The following RPS6KA3 variants were observed in gnomAD, a reference collection of about 807,000 sequenced individuals.
RPS6KA3 encodes the protein ribosomal protein S6 kinase alpha-3.
In RPS6KA3, 4 loss-of-function variants were observed where a neutral mutation model predicts 67.2. The ratio of observed to expected loss-of-function variants is 0.06; its 90% CI spans 0.03 to 0.14. The LOEUF (loss-of-function observed/expected upper bound fraction) is 0.14. Among genes scored for constraint, RPS6KA3 ranks in the 10% least tolerant of loss-of-function variants. The probability of loss-of-function intolerance (pLI) is 1.00; values close to 1 mark genes in which losing one functional copy is unlikely to be tolerated. For synonymous variants in RPS6KA3, 182 were observed against 183.7 expected (o/e 0.99, Z 0.07); for missense variants, 204 against 559.0 (o/e 0.36, Z 6.40).
At chrX:20,244,445 C>G (rs746018091) in intron 1 of RPS6KA3, among the ~76,000 whole-genome samples, 1 of 112,484 alleles carries the variant, frequency 8.9e-6, no homozygotes, top group Non-Finnish European at 1.9e-5. Context: ...AAATAAGTAA[C>G]AGCTATCATT....
intron 2 of RPS6KA3, among the ~76,000 whole-genome samples, chrX:20,217,513 T>G (rs2068885745): frequency 8.9e-6 from 1 of 112,571 alleles, no homozygotes; most frequent in Non-Finnish European, 1.9e-5. Context: ...TCAGGAAGTG[T>G]GTTCTTGAGG....
At chrX:20,200,054 GA>G (rs1386955913) in intron 4 of RPS6KA3, among the ~76,000 whole-genome samples, 1 of 112,075 alleles carries the variant, frequency 8.9e-6, no homozygotes, top group Non-Finnish European at 1.9e-5. Context: ...AGTAAACTGA[GA>G]AAAAGGTAGG....
intron 2 of RPS6KA3, among the ~76,000 whole-genome samples, chrX:20,227,746 A>G (rs1394586689): frequency 1.8e-5 from 2 of 110,832 alleles, no homozygotes; most frequent in Non-Finnish European, 3.8e-5. Flanking sequence ...GATTATCACT[A>G]TACCATTATG....
At chrX:20,260,777 TGAGGTA>T (rs2070203009) in intron 1 of RPS6KA3, among the ~76,000 whole-genome samples, 1 of 111,552 alleles carries the variant, frequency 9.0e-6, no homozygotes, top group Non-Finnish European at 1.9e-5. Context: ...CAAAACTCTA[TGAGGTA>T]GACATTATTT....
At chrX:20,188,017 A>G in intron 8 of RPS6KA3, 47 bp from the exon 9 acceptor site, 2 of 1,124,917 alleles carry the variant, frequency 1.8e-6, no homozygotes, top group Non-Finnish European at 2.4e-6. Context: ...TTGCACATGT[A>G]AATTTTAAAC....
chrX:20,156,758 C>T (rs920853541), intron 20 of RPS6KA3, among the ~76,000 whole-genome samples: 4 of 110,833 alleles, frequency 3.6e-5, no homozygotes, highest in African/African-American at 1.3e-4. Flanking sequence ...CTGGTCTCCA[C>T]CTCCTGGATG....
intron 1 of RPS6KA3, among the ~76,000 whole-genome samples, chrX:20,239,131 T>C (rs1569262826): frequency 9.0e-6 from 1 of 111,532 alleles, no homozygotes; most frequent in African/African-American, 3.2e-5. Context: ...TACCTGAACT[T>C]GGGTAAGTTA....
intron 1 of RPS6KA3, among the ~76,000 whole-genome samples, chrX:20,261,144 G>A (rs1409420376): frequency 9.1e-6 from 1 of 109,749 alleles, no homozygotes; most frequent in African/African-American, 3.3e-5. Flanking sequence ...GGACGAGTGT[G>A]GGGGTTACAG....
At chrX:20,240,063 A>AGATGATCTGT (rs1222433993) in intron 1 of RPS6KA3, among the ~76,000 whole-genome samples, 2 of 109,932 alleles carry the variant, frequency 1.8e-5, no homozygotes, top group East Asian at 5.6e-4. Flanking sequence ...TAGGACCAAA[A>AGATGATCTGT]GATGATCTGT....
intron 1 of RPS6KA3, among the ~76,000 whole-genome samples, chrX:20,238,845 G>A (rs1278691353): frequency 6.3e-5 from 7 of 110,782 alleles, no homozygotes; most frequent in Non-Finnish European, 1.3e-4. Flanking sequence ...TCAAAACAAG[G>A]ATTCAAATGT....
intron 20 of RPS6KA3, among the ~76,000 whole-genome samples, chrX:20,156,685 G>A (rs748509677): frequency 5.0e-4 from 55 of 110,372 alleles, no homozygotes; most frequent in Non-Finnish European, 9.3e-4. Context: ...ACAGGTGTGC[G>A]CCACCATGCC....
intron 20 of RPS6KA3, among the ~76,000 whole-genome samples, chrX:20,159,093 A>T (rs1019674852): frequency 8.9e-6 from 1 of 112,260 alleles, no homozygotes; most frequent in Non-Finnish European, 1.9e-5. Context: ...GACTACATAC[A>T]TTATAACTGC....
At position 20,195,052 on chromosome X, in the gene RPS6KA3, G is replaced by C; in HGVS notation, c.406+13C>G. ...GAGGTCAAGGGATGATGTGGGAGAC[G>C]GCTCATACTTACCATAATGCAACTT... On this transcript the variant is annotated intron_variant, in intron 5 of 21. Coordinates refer to ENST00000379565, the MANE Select transcript of RPS6KA3 (RefSeq NM_004586.3). The C allele has an allele frequency of 1.8e-6, 2 of 1,110,065 alleles. No homozygotes were observed. Among genetic ancestry groups the C allele is most frequent in the Non-Finnish European group, 2.5e-6 (2 of 803,520 alleles). 91.5% of individuals were successfully genotyped at this position (1,110,065 alleles called of 1,213,427 possible). A position where few individuals can be genotyped will look rare whatever the true frequency, so the allele number is the denominator to read the frequency against.
intron 3 of RPS6KA3, among the ~76,000 whole-genome samples, chrX:20,207,352 T>C (rs2068597724): frequency 1.8e-5 from 2 of 111,814 alleles, no homozygotes; most frequent in Middle Eastern, 4.6e-3. Context: ...AATAGAACAG[T>C]TTGAGGCTTA....
At chrX:20,180,582 A>G (rs1477443805) in intron 10 of RPS6KA3, among the ~76,000 whole-genome samples, 4 of 111,321 alleles carry the variant, frequency 3.6e-5, no homozygotes, top group Non-Finnish European at 7.5e-5. Flanking sequence ...AATTAGCCAA[A>G]CAGGAATGGA....
At chrX:20,191,513 C>T (rs963041128) in intron 7 of RPS6KA3, among the ~76,000 whole-genome samples, 1 of 111,515 alleles carries the variant, frequency 9.0e-6, no homozygotes, top group Non-Finnish European at 1.9e-5. Context: ...ACTATTTCTC[C>T]ACATCCTCTC....
chrX:20,166,842 T>C (rs1253194339), intron 17 of RPS6KA3, among the ~76,000 whole-genome samples: 2 of 108,609 alleles, frequency 1.8e-5, no homozygotes, highest in African/African-American at 3.4e-5. Flanking sequence ...CTCAGCCTTC[T>C]GAGTAGCTGG....
At chrX:20,219,393 G>T (rs1338656176) in intron 2 of RPS6KA3, among the ~76,000 whole-genome samples, 1 of 111,711 alleles carries the variant, frequency 9.0e-6, no homozygotes, top group African/African-American at 3.3e-5. Context: ...TGTCAATGAG[G>T]AAGAGTTTCA....
At chrX:20,203,705 A>G in intron 4 of RPS6KA3, 1 of 190,385 alleles carries the variant, frequency 5.3e-6, no homozygotes, top group Non-Finnish European at 9.7e-6. Flanking sequence ...GTAAATCAGT[A>G]CGTTTTTAAA....
Sources: gnomAD v4.1 joint callset for allele counts (sites outside exome capture counted in the v4.1 genomes callset) on GRCh38, gnomAD v4.1.1 for gene constraint, MANE v1.5 for transcripts, NCBI Gene and HGNC (gene_info 2026-07-23, HGNC 2026-07-21) for gene names.